The following WWTR1 variants were observed in gnomAD, a reference collection of about 807,000 sequenced individuals.
WWTR1 encodes WW domain containing transcription regulator 1.
WWTR1 carries 13 observed loss-of-function variants against 40.1 expected under a neutral mutation model. That is an observed-to-expected ratio of 0.32 (90% CI 0.21 to 0.52). The LOEUF is 0.52. WWTR1 is among the 20% of genes least tolerant of loss of function. The probability of loss-of-function intolerance (pLI) is 0.97; values close to 1 mark genes in which losing one functional copy is unlikely to be tolerated. For synonymous variants in WWTR1, 230 were observed against 210.1 expected (o/e 1.09, Z -0.82); for missense variants, 436 against 523.1 (o/e 0.83, Z 1.63).
intron 2 of WWTR1, among the ~76,000 whole-genome samples, chr3:149,667,342 T>C (rs916487089): frequency 6.6e-6 from 1 of 151,764 alleles, no homozygotes; most frequent in African/African-American, 2.4e-5. Flanking sequence ...GGTCAGGAGA[T>C]TGAGATCATC....
At chr3:149,628,177 T>C (rs1024609810) in intron 2 of WWTR1, among the ~76,000 whole-genome samples, 2 of 151,602 alleles carry the variant, frequency 1.3e-5, no homozygotes, top group Non-Finnish European at 2.9e-5. Flanking sequence ...GAGACCATCT[T>C]GGCTAACACG....
intron 1 of WWTR1, among the ~76,000 whole-genome samples, chr3:149,687,421 A>G (rs1256697269): frequency 1.3e-5 from 2 of 152,236 alleles, no homozygotes; most frequent in African/African-American, 2.4e-5. Flanking sequence ...CATGCCTGAC[A>G]TTCAACCTGT....
At chr3:149,528,369 T>C (rs1026114153) in intron 4 of WWTR1, among the ~76,000 whole-genome samples, 2 of 152,262 alleles carry the variant, frequency 1.3e-5, no homozygotes, top group African/African-American at 4.8e-5. Context: ...AAGTACATTC[T>C]GGTCTTTGCC....
intron 2 of WWTR1, among the ~76,000 whole-genome samples, chr3:149,646,219 G>A (rs575909457): frequency 2.2e-4 from 34 of 152,304 alleles, no homozygotes; most frequent in African/African-American, 6.7e-4. Flanking sequence ...TAGATAGGTC[G>A]TTAAGAGAGA....
Position 149,628,074 on chromosome 3 carries a change from GA to G in WWTR1, c.431+28801del, listed in dbSNP as rs750330375. The stretch of plus-strand genomic sequence containing the variant: ...GGCAACAAGAGCGAAACTCCGTCTC[GA>G]AAAAAAAAAAAAAAGCCAGGCGAGG... On this transcript the variant is annotated intron_variant, in intron 2 of 6. Transcript: ENST00000360632. Among the ~76,000 whole-genome samples, 771 of 77,810 alleles carry G rather than the reference GA, an allele frequency of 9.9e-3. 7 individuals are homozygous for G. Among genetic ancestry groups the G allele is most frequent in the African/African-American group, 0.027 (566 of 20,924 alleles). The allele number at this position is 77,810 out of a possible 152,430, so 51.0% of individuals were successfully genotyped here. A position where few individuals can be genotyped will look rare whatever the true frequency, so the allele number is the denominator to read the frequency against.
At chr3:149,639,845 A>G (rs558188399) in intron 2 of WWTR1, among the ~76,000 whole-genome samples, 16 of 151,986 alleles carry the variant, frequency 1.1e-4, no homozygotes, top group Admixed American at 6.5e-4. Flanking sequence ...ATACAAAAAA[A>G]TACCCAGGCG....
chr3:149,657,760 A>T lies in WWTR1; in HGVS notation c.-4+5T>A, dbSNP rs1224758495. On this transcript the variant is annotated splice_donor_5th_base_variant and intron_variant, in intron 1 of 6. Coordinates refer to ENST00000360632, the MANE Select transcript of WWTR1 (RefSeq NM_015472.6). Reference sequence around the variant, plus strand: ...GATGAGCGCGCGAGCTCCAGCGGGCACTACCTGGGCGGGCAGCGAAGCTGA... The same window carrying T: ...GATGAGCGCGCGAGCTCCAGCGGGCTCTACCTGGGCGGGCAGCGAAGCTGA... 1 of 158,932 alleles carries T rather than the reference A, an allele frequency of 6.3e-6. No homozygotes were observed. Among genetic ancestry groups the T allele is most frequent in the Non-Finnish European group, 1.4e-5 (1 of 72,814 alleles). 9.8% of individuals were successfully genotyped at this position (158,932 alleles called of 1,614,324 possible).
intron 2 of WWTR1, among the ~76,000 whole-genome samples, chr3:149,623,069 G>A (rs1740390213): frequency 6.6e-6 from 1 of 152,122 alleles, no homozygotes; most frequent in Admixed American, 6.5e-5. Context: ...AAATCTTTGA[G>A]AATGTTTATC....
At chr3:149,592,111 C>G (rs1164290543) in intron 2 of WWTR1, among the ~76,000 whole-genome samples, 2 of 152,142 alleles carry the variant, frequency 1.3e-5, no homozygotes, top group African/African-American at 4.8e-5. Flanking sequence ...GATAATCCCC[C>G]TCACCCCTGC....
chr3:149,700,691 T>A (rs1425162113), intron 1 of WWTR1, among the ~76,000 whole-genome samples: 13 of 152,178 alleles, frequency 8.5e-5, no homozygotes. Context: ...AGAAGTATTA[T>A]GCAAAATTGG....
chr3:149,581,631 G>T lies in WWTR1; in HGVS notation c.432-8631C>A, dbSNP rs138277672. On this transcript the variant is annotated intron_variant, in intron 2 of 6. Transcript: ENST00000360632. ...TGGTTCCGGTCTCTACCATTCACTT[G>T]CCAATTCAAAAAATTTCAGCATTCT... is the stretch of plus-strand genomic sequence containing the variant. Among the ~76,000 whole-genome samples, 295 of 152,310 alleles carry T rather than the reference G, an allele frequency of 1.9e-3. 2 individuals are homozygous for T. Among genetic ancestry groups the T allele is most frequent in the African/African-American group, 6.7e-3 (278 of 41,562 alleles).
chr3:149,710,540 C>T (rs1715447835), intron 5 of WWTR1, among the ~76,000 whole-genome samples: 1 of 139,796 alleles, frequency 7.2e-6, no homozygotes, highest in African/African-American at 2.6e-5. Flanking sequence ...ACCTACAAAA[C>T]ACTTATAAAA....
intron 4 of WWTR1, among the ~76,000 whole-genome samples, chr3:149,537,472 G>T (rs1400250251): frequency 6.6e-6 from 1 of 152,168 alleles, no homozygotes; most frequent in Non-Finnish European, 1.5e-5. Flanking sequence ...CTCTTTCTAG[G>T]TAAGAGTATA....
At chr3:149,535,323 G>C (rs1236879249) in intron 4 of WWTR1, among the ~76,000 whole-genome samples, 3 of 152,002 alleles carry the variant, frequency 2.0e-5, no homozygotes, top group Non-Finnish European at 4.4e-5. Context: ...AAACCCTGAG[G>C]GACTTCAGAG....
intron 2 of WWTR1, among the ~76,000 whole-genome samples, chr3:149,654,570 T>C (rs1465767761): frequency 6.6e-6 from 1 of 152,172 alleles, no homozygotes; most frequent in Non-Finnish European, 1.5e-5. Flanking sequence ...GGCAGAGAGA[T>C]CACAGCAACT....
At chr3:149,617,866 T>C (rs962643071) in intron 2 of WWTR1, among the ~76,000 whole-genome samples, 2 of 152,176 alleles carry the variant, frequency 1.3e-5, no homozygotes, top group African/African-American at 4.8e-5. Flanking sequence ...ATATTATTCA[T>C]GGACTCTGAA....
At chr3:149,654,041 A>G (rs1449686145) in intron 2 of WWTR1, among the ~76,000 whole-genome samples, 1 of 152,092 alleles carries the variant, frequency 6.6e-6, no homozygotes, top group Non-Finnish European at 1.5e-5. Context: ...AGGCCAAGGC[A>G]GGAGAATCAC....
chr3:149,611,292 A>G (rs1281874448), intron 2 of WWTR1, among the ~76,000 whole-genome samples: 2 of 152,220 alleles, frequency 1.3e-5, no homozygotes, highest in Admixed American at 1.3e-4. Flanking sequence ...TCAGCTAACT[A>G]CAGCCTGCAG....
chr3:149,644,315 CA>C (rs1317969283), intron 2 of WWTR1, among the ~76,000 whole-genome samples: 4 of 152,190 alleles, frequency 2.6e-5, no homozygotes, highest in African/African-American at 9.7e-5. Context: ...AGCAACTTTT[CA>C]GCAATTAAAT....
Sources: gnomAD v4.1 joint callset for allele counts (sites outside exome capture counted in the v4.1 genomes callset) on GRCh38, gnomAD v4.1.1 for gene constraint, MANE v1.5 for transcripts, NCBI Gene and HGNC (gene_info 2026-07-23, HGNC 2026-07-21) for gene names.